Variants in TBRG1 observed in about 807,000 individuals in gnomAD.
TBRG1 encodes nuclear interactor of ARF and MDM2.
Under a neutral mutation model 44.0 loss-of-function variants are expected in TBRG1, and 31 were observed. The observed-to-expected ratio is 0.70, with a 90% CI of 0.53 to 0.95. The LOEUF is 0.95. Among genes scored for constraint, TBRG1 ranks in the 40% least tolerant of loss-of-function variants. TBRG1 has a pLI of 0.00. For missense variants in TBRG1, 487 were observed against 496.1 expected (o/e 0.98, Z 0.18); for synonymous variants, 171 against 188.1 (o/e 0.91, Z 0.74).
chr11:124,635,602 T>C lies in TBRG1; in HGVS notation c.*3364T>C, dbSNP rs944257096. On this transcript the variant is annotated 3_prime_UTR_variant, in exon 9 of 9. Transcript: ENST00000441174. ...AAAAATAAATTTACATATGATTTCA[T>C]TAATATATTCACTATCTAAACCATA... 1.1e-4 allele frequency: 16 copies of C among 152,210 alleles called. No homozygotes were observed. The highest frequency in any genetic ancestry group is 1.6e-4 in the Non-Finnish European group (11 of 68,028). The allele number at this position is 152,210 out of a possible 1,614,324, so 9.4% of individuals were successfully genotyped here. A position where few individuals can be genotyped will look rare whatever the true frequency, so the allele number is the denominator to read the frequency against.
At chr11:124,626,631 T>G (rs1942478150) in intron 4 of TBRG1, 22 bp downstream of exon 4, 1 of 1,551,220 alleles carries the variant, frequency 6.4e-7, no homozygotes, top group Non-Finnish European at 8.7e-7. Context: ...CAGCGATATA[T>G]AGAGAGGAGA....
Position 124,635,889 on chromosome 11 carries a change from T to TAAG in TBRG1, c.*3653_*3655dup, listed in dbSNP as rs1942724399. 6.6e-6 allele frequency: 1 copy of TAAG among 152,236 alleles called. No homozygotes were observed. The highest frequency in any genetic ancestry group is 1.9e-4 in the East Asian group (1 of 5,200). 9.4% of individuals were successfully genotyped at this position (152,236 alleles called of 1,614,324 possible). On this transcript the variant is annotated 3_prime_UTR_variant, in exon 9 of 9. Transcript: ENST00000441174. ...TTTTTAATCCATCAGTAAACTGCAT[T>TAAG]AAGATTCTTAATAAACAAACACTGA...
In TBRG1 at chr11:124,633,738, ATGT is replaced by A. The variant is rs1273993705; in HGVS notation, c.*1502_*1504del. The stretch of plus-strand genomic sequence containing the variant: ...CAAATCGGGAAGGGGACTGCTTAAA[ATGT>A]TAATGCAGTGTTTTTCTTTTTTTCT... On this transcript the variant is annotated 3_prime_UTR_variant, in exon 9 of 9. Coordinates refer to ENST00000441174, the MANE Select transcript of TBRG1 (RefSeq NM_032811.3). 1 of 152,254 alleles carries A rather than the reference ATGT, an allele frequency of 6.6e-6. No individual in the cohort carries two copies. Among genetic ancestry groups the A allele is most frequent in the Admixed American group, 6.5e-5 (1 of 15,286 alleles). The allele number at this position is 152,254 out of a possible 1,614,324, so 9.4% of individuals were successfully genotyped here. A position where few individuals can be genotyped will look rare whatever the true frequency, so the allele number is the denominator to read the frequency against.
rs753017374 is a variant in TBRG1, at chr11:124,630,459, A to T, written c.810A>T (p.Glu270Asp). 1 of 1,613,552 alleles carries T rather than the reference A, an allele frequency of 6.2e-7. No homozygotes were observed. Among genetic ancestry groups the T allele is most frequent in the South Asian group, 1.1e-5 (1 of 91,064 alleles). The change falls in exon 6 of 9, where the codon GAA (glutamate) becomes GAT (aspartate). Residue 270 changes from glutamate (E) to aspartate (D), a missense_variant. By Grantham distance (45) the Glu-to-Asp change is conservative. Coordinates refer to ENST00000441174, the MANE Select transcript of TBRG1 (RefSeq NM_032811.3). Reference protein sequence around the residue: ...VSSSADACHAELLRTISTTMG... With the variant: ...VSSSADACHADLLRTISTTMG... ...CTTCTGCAGATGCTTGTCATGCAGA[A>T]CTGCTCAGGACTATAAGCACTACTA...
At chr11:124,631,159 G>C in intron 7 of TBRG1, 116 bp from the exon 8 acceptor site, 5 of 1,034,480 alleles carry the variant, frequency 4.8e-6, no homozygotes, top group Non-Finnish European at 6.9e-6. Context: ...GCAAATATGT[G>C]TTTTAGATAT....
chr11:124,625,089 T>C (rs902161803), intron 2 of TBRG1, 88 bp downstream of exon 2: 1 of 942,724 alleles, frequency 1.1e-6, no homozygotes, highest in South Asian at 1.5e-5. Flanking sequence ...GGAGACTTTT[T>C]TTCCCAGTGG....
At chr11:124,627,346 A>C (rs1205566678) in intron 5 of TBRG1, among the ~76,000 whole-genome samples, 1 of 152,230 alleles carries the variant, frequency 6.6e-6, no homozygotes, top group Non-Finnish European at 1.5e-5. Context: ...TATGTGAGGT[A>C]CAGGCCAAAA....
At chr11:124,623,451 A>AT in intron 1 of TBRG1, 1 of 668,934 alleles carries the variant, frequency 1.5e-6, no homozygotes, top group Non-Finnish European at 2.7e-6. Context: ...AATAATGAAT[A>AT]TTAAATGAGT....
chr11:124,624,884 A>AC (rs2134323471), intron 1 of TBRG1, 47 bp from the exon 2 acceptor site: 2 of 1,259,248 alleles, frequency 1.6e-6, no homozygotes, highest in East Asian at 5.1e-5. Context: ...TAATAATGTG[A>AC]TTTTTTTATT....
chr11:124,632,193 C>A lies in TBRG1; in HGVS notation c.1191C>A (p.His397Gln), dbSNP rs780004386. Residue 397 changes from histidine (H) to glutamine (Q), a missense_variant, in exon 9 of 9, where the codon CAC becomes CAA. Coordinates refer to ENST00000441174, the MANE Select transcript of TBRG1 (RefSeq NM_032811.3). Reference sequence around the variant, plus strand: ...CCTTGGTAGATACTCACCTGCAGCACTTGAAGTCTCCATCACAGGGTAGCC... The same window carrying A: ...CCTTGGTAGATACTCACCTGCAGCAATTGAAGTCTCCATCACAGGGTAGCC... ...HEPLVDTHLQ[H>Q]LKSPSQGSPI... The A allele has an allele frequency of 6.2e-7, 1 of 1,613,684 alleles. No homozygotes were observed. Among genetic ancestry groups the A allele is most frequent in the East Asian group, 2.2e-5 (1 of 44,872 alleles).
Position 124,627,005 on chromosome 11 carries a change from G to A in TBRG1, c.693G>A (p.Lys231=), listed in dbSNP as rs1164134427. 3.2e-6 allele frequency: 5 copies of A among 1,563,712 alleles called. No individual in the cohort carries two copies. The highest frequency in any genetic ancestry group is 2.6e-6 in the Non-Finnish European group (3 of 1,152,820). The change falls in exon 5 of 9, where the codon AAG becomes AAA. Residue 231 remains lysine, a synonymous_variant. Transcript: ENST00000441174. Reference sequence around the variant, plus strand: ...CCAGCATGAAGTGCCCAGACCAGAAGTGTCTATATACCTGTCAGATCAAGG... The same window carrying A: ...CCAGCATGAAGTGCCCAGACCAGAAATGTCTATATACCTGTCAGATCAAGG... The part of the protein sequence containing the change: ...IYASMKCPDQ[K]CLYTCQIKDG...
In TBRG1 at chr11:124,624,893, T is replaced by C. The variant is rs201788615; in HGVS notation, c.151-38T>C. The C allele has an allele frequency of 1.6e-5, 19 of 1,186,270 alleles. No homozygotes were observed. The Middle Eastern group carries it at 2.4e-3, about 153-fold the overall frequency. The allele number at this position is 1,186,270 out of a possible 1,614,324, so 73.5% of individuals were successfully genotyped here. On this transcript the variant is annotated intron_variant, in intron 1 of 8. Coordinates refer to ENST00000441174, the MANE Select transcript of TBRG1 (RefSeq NM_032811.3). ...CCAGCATAATAATGTGATTTTTTTATTCATTTTATGTTATTATATTCACAT... is the reference window on the plus strand; with the variant it reads ...CCAGCATAATAATGTGATTTTTTTACTCATTTTATGTTATTATATTCACAT...
Position 124,625,751 on chromosome 11 carries a change from G to C in TBRG1, c.302G>C (p.Ser101Thr), listed in dbSNP as rs375265828. Residue 101 changes from serine to threonine, a missense_variant, in exon 3 of 9, where the codon AGT becomes ACT. Physicochemically the swap from Ser to Thr is moderately conservative, Grantham distance 58 (BLOSUM62 1). Coordinates refer to ENST00000441174, the MANE Select transcript of TBRG1 (RefSeq NM_032811.3). ...VQAAAPSHSS[S>T]LPLTYGVASS... ...GCTGCAGCTCCTTCCCACAGTTCCA[G>C]TTTGCCCCTGACTTATGGTGTGGCC... is the stretch of plus-strand genomic sequence containing the variant. 6.4e-7 allele frequency: 1 copy of C among 1,564,998 alleles called. No individual in the cohort carries two copies. Among genetic ancestry groups the C allele is most frequent in the Non-Finnish European group, 8.7e-7 (1 of 1,153,602 alleles).
chr11:124,634,716 C>T lies in TBRG1; in HGVS notation c.*2478C>T, dbSNP rs1942684385. 1 of 152,122 alleles carries T rather than the reference C, an allele frequency of 6.6e-6. No homozygotes were observed. The highest frequency in any genetic ancestry group is 2.4e-5 in the African/African-American group (1 of 41,408). The allele number at this position is 152,122 out of a possible 1,614,324, so 9.4% of individuals were successfully genotyped here. ...AATGAGGCTTCCACAAACTGAAACA[C>T]TCTAAATCTATATTCTATTATTTAC... On this transcript the variant is annotated 3_prime_UTR_variant, in exon 9 of 9. Coordinates refer to ENST00000441174, the MANE Select transcript of TBRG1 (RefSeq NM_032811.3).
At chr11:124,623,852 A>G (rs1942397126) in intron 1 of TBRG1, among the ~76,000 whole-genome samples, 1 of 152,192 alleles carries the variant, frequency 6.6e-6, no homozygotes, top group Non-Finnish European at 1.5e-5. Context: ...AATAAACTTA[A>G]TATAGCTTGC....
intron 6 of TBRG1, 66 bp downstream of exon 6, chr11:124,630,551 T>A (rs1942586028): frequency 8.0e-7 from 1 of 1,255,514 alleles, no homozygotes; most frequent in African/African-American, 1.5e-5. Flanking sequence ...ACCTTTTCTC[T>A]TGCTTTTAAT....
At chr11:124,625,151 C>G (rs1942437276) in intron 2 of TBRG1, 150 bp downstream of exon 2, 4 of 607,856 alleles carry the variant, frequency 6.6e-6, no homozygotes, top group Non-Finnish European at 1.2e-5. Context: ...CACAGAGAAA[C>G]TTACAGCCTG....
In TBRG1 at chr11:124,623,126, C is replaced by T. The variant is rs1942375949; in HGVS notation, c.43C>T (p.Leu15=). 9 of 1,551,260 alleles carry T rather than the reference C, an allele frequency of 5.8e-6. No individual in the cohort carries two copies. Among genetic ancestry groups the T allele is most frequent in the Non-Finnish European group, 6.1e-6 (7 of 1,147,006 alleles). The change falls in exon 1 of 9, where the codon CTG becomes TTG. Residue 15 remains leucine, a synonymous_variant. Transcript: ENST00000441174. The part of the protein sequence containing the change: ...DGLASSPRAP[L]QSSKARMKKL... Reference sequence around the variant, plus strand: ...CCTCGCTTCCTCGCCGCGGGCTCCGCTGCAGTCCAGCAAGGCCAGGATGAA... The same window carrying T: ...CCTCGCTTCCTCGCCGCGGGCTCCGTTGCAGTCCAGCAAGGCCAGGATGAA...
In TBRG1 at chr11:124,623,181, A is replaced by G; in HGVS notation, c.98A>G (p.Lys33Arg). The G allele has an allele frequency of 1.3e-6, 2 of 1,551,720 alleles. No homozygotes were observed. Among genetic ancestry groups the G allele is most frequent in the South Asian group, 2.4e-5 (2 of 84,068 alleles). ...CTCCCGAAGAAGAGCCAGAATGAGA[A>G]GTACCGGCTGAAGTACCTGCGGCTG... is the stretch of plus-strand genomic sequence containing the variant. ...KKLPKKSQNE[K>R]YRLKYLRLRK... Residue 33 changes from lysine to arginine, a missense_variant, in exon 1 of 9, where the codon AAG becomes AGG. Lys to Arg is a conservative substitution (Grantham distance 26, BLOSUM62 2). Coordinates refer to ENST00000441174, the MANE Select transcript of TBRG1 (RefSeq NM_032811.3).
Sources: gnomAD v4.1 joint callset for allele counts (sites outside exome capture counted in the v4.1 genomes callset) on GRCh38, gnomAD v4.1.1 for gene constraint, MANE v1.5 for transcripts, NCBI Gene and HGNC (gene_info 2026-07-23, HGNC 2026-07-21) for gene names.